Variants in EPS8L2 observed in about 807,000 individuals in gnomAD.
The protein encoded by EPS8L2 is EPS8 signaling adaptor L2, also known as epidermal growth factor receptor kinase substrate 8-like protein 2.
EPS8L2 carries 81 observed loss-of-function variants against 99.4 expected under a neutral mutation model. The observed-to-expected ratio is 0.82, with a 90% CI of 0.68 to 0.98. The LOEUF is 0.98. Among genes scored for constraint, EPS8L2 ranks in the 50% least tolerant of loss-of-function variants. EPS8L2 has a pLI of 0.00. For synonymous variants in EPS8L2, 509 were observed against 407.3 expected (o/e 1.25, Z -3.01); for missense variants, 1,155 against 968.8 (o/e 1.19, Z -2.55).
Position 722,800 on chromosome 11 carries a change from G to C in EPS8L2, c.1336G>C (p.Glu446Gln), listed in dbSNP as rs775607895. Residue 446 changes from glutamate (E) to glutamine (Q), a missense_variant, in exon 14 of 21, where the codon GAG (glutamate) becomes CAG (glutamine). Physicochemically the swap from Glu to Gln is conservative, Grantham distance 29. Coordinates refer to ENST00000318562, the MANE Select transcript of EPS8L2 (RefSeq NM_022772.4). ...GGAGGGGCTGGCGTCTGCCCCCATC[G>C]AGGAGGTGAGAGCACCAGCAGCCCC... ...EVEGLASAPIEEVSPVSRQSI... is the reference protein window; with the variant it reads ...EVEGLASAPIQEVSPVSRQSI... 4 of 1,567,230 alleles carry C rather than the reference G, an allele frequency of 2.6e-6. No individual in the cohort carries two copies. Among genetic ancestry groups the C allele is most frequent in the African/African-American group, 2.7e-5 (2 of 73,822 alleles).
At chr11:722,231 G>C in intron 12 of EPS8L2, 66 bp downstream of exon 12, 3 of 1,573,022 alleles carry the variant, frequency 1.9e-6, no homozygotes, top group Non-Finnish European at 2.6e-6. Context: ...GCATCTCCCC[G>C]GGGTCGGGGT....
At position 727,131 on chromosome 11, in the gene EPS8L2, G is replaced by C. The variant is rs577431278; in HGVS notation, c.*150G>C. 2 of 629,810 alleles carry C rather than the reference G, an allele frequency of 3.2e-6. No homozygotes were observed. The highest frequency in any genetic ancestry group is 2.9e-5 in the East Asian group (1 of 35,086). 39.0% of individuals were successfully genotyped at this position (629,810 alleles called of 1,614,324 possible). On this transcript the variant is annotated 3_prime_UTR_variant, in exon 21 of 21. Coordinates refer to ENST00000318562, the MANE Select transcript of EPS8L2 (RefSeq NM_022772.4). ...CCCTGCCCCTGTCTGGAGGCACAAC[G>C]CCCATCCTTAGGCCAAACAGTACCC...
chr11:708,372 G>A lies in EPS8L2; in HGVS notation c.-78-958G>A, dbSNP rs560673140. On this transcript the variant is annotated intron_variant, in intron 1 of 20. Coordinates refer to ENST00000318562, the MANE Select transcript of EPS8L2 (RefSeq NM_022772.4). ...ATCAGACCCACCTGTCTGCCCTGGCGGCTGGGCCTTAGTTTCCCCAAAATG... is the reference window on the plus strand; with the variant it reads ...ATCAGACCCACCTGTCTGCCCTGGCAGCTGGGCCTTAGTTTCCCCAAAATG... 2.6e-5 allele frequency among the ~76,000 whole-genome samples: 4 copies of A among 152,306 alleles called. No homozygotes were observed. In the East Asian group the frequency reaches 5.8e-4, roughly 22 times the overall value.
chr11:723,787 A>C (rs1862251833), intron 15 of EPS8L2, among the ~76,000 whole-genome samples: 1 of 151,926 alleles, frequency 6.6e-6, no homozygotes, highest in Non-Finnish European at 1.5e-5. Context: ...CCTGTTTCCA[A>C]AGAGGACAAA....
rs963206896 is a variant in EPS8L2 at position 725,848 on chromosome 11, G to C, written c.1680+1G>C. On this transcript the variant is annotated splice_donor_variant, in intron 17 of 20. Coordinates refer to ENST00000318562, the MANE Select transcript of EPS8L2 (RefSeq NM_022772.4). LOFTEE classifies it high-confidence loss of function. ...GGACGCCGGCGCCCCGTTCGAGCAG[G>C]TGAGCCCGCGGGGGTCCCTGGGGTC... The C allele has an allele frequency of 7.2e-7, 1 of 1,385,400 alleles. No homozygotes were observed. 85.8% of individuals were successfully genotyped at this position (1,385,400 alleles called of 1,614,324 possible).
At chr11:718,558 C>A (rs1462733338) in intron 4 of EPS8L2, among the ~76,000 whole-genome samples, 1 of 149,934 alleles carries the variant, frequency 6.7e-6, no homozygotes, top group Non-Finnish European at 1.5e-5. Context: ...GAACATGGTT[C>A]ACTGCAACTT....
rs1862260961 is a variant in EPS8L2, at chr11:724,277, T to C, written c.1455-447T>C. On this transcript the variant is annotated intron_variant, in intron 15 of 20. Transcript: ENST00000318562. This position sits in a 1 kb window ranked among gnomAD's most constrained non-coding sequence, Gnocchi z 5.5. The stretch of plus-strand genomic sequence containing the variant: ...CAGGTCCCACCCCACAGAGAGGAGC[T>C]TGAGACCCGTCCTCCACTGGACCAT... 6.6e-6 allele frequency among the ~76,000 whole-genome samples: 1 copy of C among 152,136 alleles called. No individual in the cohort carries two copies. Among genetic ancestry groups the C allele is most frequent in the Admixed American group, 6.5e-5 (1 of 15,284 alleles).
intron 1 of EPS8L2, among the ~76,000 whole-genome samples, chr11:707,439 C>T (rs138299721): frequency 4.6e-5 from 7 of 152,238 alleles, no homozygotes; most frequent in Admixed American, 2.6e-4. Context: ...ACTTGGAGCC[C>T]GTCCCTCTAC....
chr11:715,208 C>A (rs58070301), intron 4 of EPS8L2, among the ~76,000 whole-genome samples: 1 of 151,404 alleles, frequency 6.6e-6, no homozygotes, highest in African/African-American at 2.4e-5. Flanking sequence ...CGCCACTGCA[C>A]TCCAGCCTGG....
Position 721,274 on chromosome 11 carries a change from TC to T in EPS8L2, c.701-6del. On this transcript the variant is annotated splice_polypyrimidine_tract_variant and intron_variant, in intron 8 of 20. Transcript: ENST00000318562. ...GGGGGCTCGGTGAGCAGCCGCCGTG[TC>T]CCCCATCAGGTTTCCGCCGTCGGGA... 1 of 1,539,312 alleles carries T rather than the reference TC, an allele frequency of 6.5e-7. No homozygotes were observed.
At chr11:725,958 T>C in intron 17 of EPS8L2, 111 bp downstream of exon 17, 1 of 1,361,342 alleles carries the variant, frequency 7.3e-7, no homozygotes, top group Non-Finnish European at 9.7e-7. Flanking sequence ...CTGGGGCAGG[T>C]GCAGGGCTCC....
At chr11:716,929 G>C (rs1862040673) in intron 4 of EPS8L2, among the ~76,000 whole-genome samples, 2 of 152,202 alleles carry the variant, frequency 1.3e-5, no homozygotes, top group African/African-American at 4.8e-5. Context: ...CTCTCGCAGA[G>C]AGATGAGTGG....
chr11:716,793 C>G (rs1367342922), intron 4 of EPS8L2, among the ~76,000 whole-genome samples: 1 of 152,052 alleles, frequency 6.6e-6, no homozygotes, highest in South Asian at 2.1e-4. Flanking sequence ...TACCTTAATT[C>G]TGTTATGATC....
intron 4 of EPS8L2, among the ~76,000 whole-genome samples, chr11:715,537 G>A (rs1861998503): frequency 6.6e-6 from 1 of 151,296 alleles, no homozygotes; most frequent in South Asian, 2.1e-4. Context: ...AGTAGTCTGT[G>A]TAAAGTGCGT....
chr11:721,084 G>A lies in EPS8L2; in HGVS notation c.578G>A (p.Arg193Gln), dbSNP rs369270282. ...QTLKGHQEKI[R>Q]QRQSILPPPQ... ...TCCAGGGGACACCAGGAGAAGATTC[G>A]GCAGCGGCAGTCCATCCTGCCTCCT... The change falls in exon 8 of 21, where the codon CGG becomes CAG. Residue 193 changes from arginine (R) to glutamine (Q), a missense_variant. Coordinates refer to ENST00000318562, the MANE Select transcript of EPS8L2 (RefSeq NM_022772.4). 1.3e-4 allele frequency: 198 copies of A among 1,504,902 alleles called. No individual in the cohort carries two copies. The highest frequency in any genetic ancestry group is 1.6e-4 in the Non-Finnish European group (181 of 1,127,138). 93.2% of individuals were successfully genotyped at this position (1,504,902 alleles called of 1,614,324 possible). A position where few individuals can be genotyped will look rare whatever the true frequency, so the allele number is the denominator to read the frequency against.
At chr11:721,390 C>T (rs1252552507) in intron 9 of EPS8L2, 38 bp downstream of exon 9, 1 of 1,535,560 alleles carries the variant, frequency 6.5e-7, no homozygotes, top group Admixed American at 2.0e-5. Context: ...CCTCTCTTCC[C>T]CGCCCCCAGC....
chr11:727,222 T>TGGTGCCAGC lies in EPS8L2; in HGVS notation c.*241_*242insGGTGCCAGC. On this transcript the variant is annotated 3_prime_UTR_variant, in exon 21 of 21. Transcript: ENST00000318562. ...GCTGCTTGGTGGTGCCAGCCCCTTG[T>TGGTGCCAGC]CCACCTTCTCTTGAGGCCACAGAAC... The TGGTGCCAGC allele has an allele frequency of 8.1e-6, 3 of 372,650 alleles. No individual in the cohort carries two copies. Among genetic ancestry groups the TGGTGCCAGC allele is most frequent in the Non-Finnish European group, 9.6e-6 (2 of 209,260 alleles). 23.1% of individuals were successfully genotyped at this position (372,650 alleles called of 1,614,324 possible). A position where few individuals can be genotyped will look rare whatever the true frequency, so the allele number is the denominator to read the frequency against.
chr11:725,844 G>C lies in EPS8L2; in HGVS notation c.1677G>C (p.Glu559Asp). The change falls in exon 17 of 21, where the codon GAG becomes GAC. Residue 559 changes from glutamate (E) to aspartate (D), a missense_variant. Glu to Asp is a conservative substitution (Grantham distance 45, BLOSUM62 2). Transcript: ENST00000318562. ...CGGAGGACGCCGGCGCCCCGTTCGA[G>C]CAGGTGAGCCCGCGGGGGTCCCTGG... ...ARPEDAGAPF[E>D]QAGQKYWGPA... is the part of the protein sequence containing the mutation. 1 of 1,385,076 alleles carries C rather than the reference G, an allele frequency of 7.2e-7. No homozygotes were observed. The highest frequency in any genetic ancestry group is 1.8e-5 in the South Asian group (1 of 55,824). 85.8% of individuals were successfully genotyped at this position (1,385,076 alleles called of 1,614,324 possible). A position where few individuals can be genotyped will look rare whatever the true frequency, so the allele number is the denominator to read the frequency against.
chr11:719,504 C>A (rs921552545), intron 4 of EPS8L2, among the ~76,000 whole-genome samples: 1 of 152,226 alleles, frequency 6.6e-6, no homozygotes, highest in Non-Finnish European at 1.5e-5. Flanking sequence ...GGGATGGACG[C>A]ATCCCGCACA....
Sources: gnomAD v4.1 joint callset for allele counts (sites outside exome capture counted in the v4.1 genomes callset) on GRCh38, gnomAD v4.1.1 for gene constraint, Gnocchi (gnomAD v3.1) non-coding constraint, MANE v1.5 for transcripts, NCBI Gene and HGNC (gene_info 2026-07-23, HGNC 2026-07-21) for gene names.